SLC24A3: variants seen among roughly 807,000 people sequenced by gnomAD.
SLC24A3 encodes solute carrier family 24 member 3.
SLC24A3 carries 28 observed loss-of-function variants against 75.8 expected under a neutral mutation model. That is an observed-to-expected ratio of 0.37 (90% CI 0.27 to 0.51). The LOEUF is 0.51. Among genes scored for constraint, SLC24A3 ranks in the 20% least tolerant of loss-of-function variants. SLC24A3 has a pLI of 0.94. For synonymous variants in SLC24A3, 372 were observed against 334.1 expected, an observed-to-expected ratio of 1.11 and a Z score of -1.24; for missense variants, 663 against 847.8, an observed-to-expected ratio of 0.78 and a Z score of 2.71.
intron 1 of SLC24A3, among the ~76,000 whole-genome samples, chr20:19,241,447 G>A (rs970149244): frequency 1.3e-5 from 2 of 152,186 alleles, no homozygotes; most frequent in Non-Finnish European, 2.9e-5. Context: ...TGGCCTGGCC[G>A]TTTTCAGGCC....
chr20:19,520,824 A>G (rs2030086043), intron 3 of SLC24A3, among the ~76,000 whole-genome samples: 1 of 152,212 alleles, frequency 6.6e-6, no homozygotes, highest in Non-Finnish European at 1.5e-5. Flanking sequence ...TTATGAGCTT[A>G]CATCCAAATT....
chr20:19,544,169 C>T (rs564887843), intron 3 of SLC24A3, among the ~76,000 whole-genome samples: 3 of 152,202 alleles, frequency 2.0e-5, no homozygotes, highest in Non-Finnish European at 4.4e-5. Context: ...ATTCAAAACA[C>T]CCTCTAAGGA....
At chr20:19,440,859 A>T (rs1568618719) in intron 2 of SLC24A3, among the ~76,000 whole-genome samples, 2 of 152,044 alleles carry the variant, frequency 1.3e-5, no homozygotes, top group Non-Finnish European at 2.9e-5. Context: ...GTGAGGGCTC[A>T]GCACTGGGCC....
intron 2 of SLC24A3, among the ~76,000 whole-genome samples, chr20:19,458,640 T>A (rs1600237783): frequency 6.6e-6 from 1 of 152,248 alleles, no homozygotes; most frequent in Admixed American, 6.5e-5. Context: ...TTAGTCTTTT[T>A]GTGACTGGCT....
At chr20:19,431,705 A>C (rs374198183) in intron 2 of SLC24A3, among the ~76,000 whole-genome samples, 9 of 144,848 alleles carry the variant, frequency 6.2e-5, no homozygotes, top group Non-Finnish European at 1.5e-5. Flanking sequence ...AATTCACTCA[A>C]GAAATAGATT....
At chr20:19,560,946 G>A (rs371474617) in intron 3 of SLC24A3, among the ~76,000 whole-genome samples, 10 of 152,168 alleles carry the variant, frequency 6.6e-5, no homozygotes, top group Non-Finnish European at 1.0e-4. Context: ...TCATATGTAC[G>A]TGTGGATGAG....
At chr20:19,677,648 G>A (rs910023645) in intron 9 of SLC24A3, among the ~76,000 whole-genome samples, 12 of 145,964 alleles carry the variant, frequency 8.2e-5, no homozygotes, top group Non-Finnish European at 1.6e-4. Flanking sequence ...GACATCTCTA[G>A]ACACAGCTGG....
chr20:19,279,664 C>T (rs1045164784), intron 1 of SLC24A3, among the ~76,000 whole-genome samples: 8 of 152,150 alleles, frequency 5.3e-5, no homozygotes, highest in South Asian at 4.1e-4. Flanking sequence ...TCTTCTCCAC[C>T]GGGAGACCCC....
chr20:19,417,344 C>T (rs1288827830), intron 2 of SLC24A3, among the ~76,000 whole-genome samples: 1 of 152,036 alleles, frequency 6.6e-6, no homozygotes, highest in Non-Finnish European at 1.5e-5. Flanking sequence ...CAAAAATCCA[C>T]GGAAATGATA....
chr20:19,457,813 A>G (rs1184519551), intron 2 of SLC24A3, among the ~76,000 whole-genome samples: 1 of 152,318 alleles, frequency 6.6e-6, no homozygotes, highest in African/African-American at 2.4e-5. Context: ...AGAGCTGAGC[A>G]GTCCCCAGAG....
intron 2 of SLC24A3, among the ~76,000 whole-genome samples, chr20:19,335,298 CT>C (rs1276721824): frequency 3.3e-5 from 5 of 152,148 alleles, no homozygotes; most frequent in Admixed American, 1.3e-4. Flanking sequence ...TAAATCTTGT[CT>C]TTTCTACTTT....
At chr20:19,445,104 C>A (rs1415608067) in intron 2 of SLC24A3, among the ~76,000 whole-genome samples, 1 of 152,128 alleles carries the variant, frequency 6.6e-6, no homozygotes, top group African/African-American at 2.4e-5. Flanking sequence ...TTTTCATGAC[C>A]TTATATCTGC....
chr20:19,575,334 T>C (rs536086863), intron 3 of SLC24A3, among the ~76,000 whole-genome samples: 27 of 148,274 alleles, frequency 1.8e-4, no homozygotes, highest in African/African-American at 6.7e-4. Context: ...ACTTCATATA[T>C]AGAGAGCCCA....
Position 19,212,778 on chromosome 20 carries a change from C to G in SLC24A3, c.-65C>G, listed in dbSNP as rs1981437382. 1 of 977,454 alleles carries G rather than the reference C, an allele frequency of 1.0e-6. No homozygotes were observed. The highest frequency in any genetic ancestry group is 1.8e-5 in the African/African-American group (1 of 56,556). The allele number at this position is 977,454 out of a possible 1,614,324, so 60.5% of individuals were successfully genotyped here. On this transcript the variant is annotated 5_prime_UTR_variant, in exon 1 of 17. Coordinates refer to ENST00000328041, the MANE Select transcript of SLC24A3 (RefSeq NM_020689.4). Reference sequence around the variant, plus strand: ...GCAGGGCTGCCTCCTGCCGCTGTCCCCGCCGCGGCCGCCCGCGACAGGAGC... The same window carrying G: ...GCAGGGCTGCCTCCTGCCGCTGTCCGCGCCGCGGCCGCCCGCGACAGGAGC...
At chr20:19,394,217 CAAAGACCTAAATATAATATCT>C (rs767906360) in intron 2 of SLC24A3, among the ~76,000 whole-genome samples, 10 of 152,098 alleles carry the variant, frequency 6.6e-5, no homozygotes, top group Non-Finnish European at 1.3e-4. Flanking sequence ...CAAAATGAAT[CAAAGACCTAAATATAATATCT>C]AAAAATATAA....
At chr20:19,443,654 C>A (rs892931303) in intron 2 of SLC24A3, among the ~76,000 whole-genome samples, 90 of 152,084 alleles carry the variant, frequency 5.9e-4, no homozygotes, top group Non-Finnish European at 1.0e-4. Context: ...AATCTCCATG[C>A]CTTTCATTTA....
chr20:19,636,696 T>A (rs976582922), intron 6 of SLC24A3, among the ~76,000 whole-genome samples: 10 of 152,132 alleles, frequency 6.6e-5, no homozygotes, highest in Non-Finnish European at 1.5e-5. Context: ...AATAGACCTA[T>A]ACACCTGCAA....
At chr20:19,346,425 G>A (rs1037356040) in intron 2 of SLC24A3, among the ~76,000 whole-genome samples, 3 of 146,050 alleles carry the variant, frequency 2.1e-5, no homozygotes, top group African/African-American at 7.6e-5. Flanking sequence ...TATGGTGTGT[G>A]TATATATGGT....
At chr20:19,513,415 A>T (rs1423458859) in intron 2 of SLC24A3, among the ~76,000 whole-genome samples, 2 of 152,238 alleles carry the variant, frequency 1.3e-5, no homozygotes, top group African/African-American at 4.8e-5. Flanking sequence ...ATGGGATCAC[A>T]GGGGCAAAGT....
Sources: gnomAD v4.1 joint callset for allele counts (sites outside exome capture counted in the v4.1 genomes callset) on GRCh38, gnomAD v4.1.1 for gene constraint, MANE v1.5 for transcripts, NCBI Gene and HGNC (gene_info 2026-07-23, HGNC 2026-07-21) for gene names.